The following RALGPS1 variants were observed in gnomAD, a reference collection of about 807,000 sequenced individuals.
The protein encoded by RALGPS1 is ras-specific guanine nucleotide-releasing factor RalGPS1.
Under a neutral mutation model 78.8 loss-of-function variants are expected in RALGPS1, and 19 were observed. The ratio of observed to expected loss-of-function variants is 0.24; its 90% CI spans 0.17 to 0.35. The LOEUF (loss-of-function observed/expected upper bound fraction) is 0.35, where lower values mean the gene tolerates loss of function less well. RALGPS1 is among the 10% of genes least tolerant of loss of function. The pLI is 1.00. For missense variants in RALGPS1, 454 were observed against 688.3 expected (o/e 0.66, Z 3.81); for synonymous variants, 228 against 256.3 (o/e 0.89, Z 1.06).
intron 4 of RALGPS1, among the ~76,000 whole-genome samples, chr9:126,988,896 G>A (rs555313236): frequency 6.6e-6 from 1 of 152,266 alleles, no homozygotes; most frequent in Admixed American, 6.5e-5. Flanking sequence ...AGGAGGCCTA[G>A]TTAAGTCAAG....
intron 8 of RALGPS1, among the ~76,000 whole-genome samples, chr9:127,096,798 C>G (rs2053186940): frequency 6.6e-6 from 1 of 152,322 alleles, no homozygotes; most frequent in Admixed American, 6.5e-5. Flanking sequence ...ACTCCTTGCT[C>G]TAAGAGTAGT....
rs751485473 is a variant in RALGPS1 at position 127,195,197 on chromosome 9, G to A, written c.1017G>A (p.Lys339=). The stretch of plus-strand genomic sequence containing the variant: ...CACCTCCAGTCCCCAGACACAGGAA[G>A]AGCCACAGCCTAGGCAACAAGTGGG... ...LPTPPVPRHR[K]SHSLGNNMMC... The change falls in exon 12 of 19, where the codon AAG becomes AAA. Residue 339 remains lysine (K), a synonymous_variant. Transcript: ENST00000259351. 8 of 1,611,460 alleles carry A rather than the reference G, an allele frequency of 5.0e-6. No individual in the cohort carries two copies. Among genetic ancestry groups the A allele is most frequent in the Non-Finnish European group, 6.8e-6 (8 of 1,179,974 alleles).
chr9:127,214,872 T>TGAAA (rs2062484780), intron 18 of RALGPS1, 30 bp downstream of exon 18: 1 of 1,612,842 alleles, frequency 6.2e-7, no homozygotes, highest in African/African-American at 1.3e-5. Flanking sequence ...GCTTGTCACC[T>TGAAA]GAAATATCCT....
At chr9:126,941,038 C>G (rs1031595240) in intron 1 of RALGPS1, among the ~76,000 whole-genome samples, 6 of 152,028 alleles carry the variant, frequency 3.9e-5, no homozygotes, top group Non-Finnish European at 2.9e-5. Flanking sequence ...TAGTGAATAT[C>G]CTTCTATACT....
chr9:127,132,076 A>C (rs1233173740), intron 8 of RALGPS1, among the ~76,000 whole-genome samples: 1 of 152,194 alleles, frequency 6.6e-6, no homozygotes, highest in East Asian at 1.9e-4. Flanking sequence ...CATAACCTGC[A>C]TCTGAGAGCT....
intron 8 of RALGPS1, among the ~76,000 whole-genome samples, chr9:127,073,486 G>A (rs1333125797): frequency 1.3e-5 from 2 of 151,780 alleles, no homozygotes; most frequent in African/African-American, 2.4e-5. Context: ...GTGTGTGTGT[G>A]TATAATATTT....
chr9:127,167,130 G>A (rs759317694), intron 9 of RALGPS1, among the ~76,000 whole-genome samples: 20 of 152,186 alleles, frequency 1.3e-4, no homozygotes, highest in Non-Finnish European at 2.1e-4. Context: ...AGGGTGGTAG[G>A]AAGGAGCCTA....
At chr9:126,960,198 T>TCCCC (rs2038756712) in intron 1 of RALGPS1, among the ~76,000 whole-genome samples, 1 of 37,130 alleles carries the variant, frequency 2.7e-5, no homozygotes, top group African/African-American at 1.7e-4. Flanking sequence ...CTCCCTTCCT[T>TCCCC]CCCTCCCTCC....
At chr9:126,949,382 C>T (rs889659097) in intron 1 of RALGPS1, among the ~76,000 whole-genome samples, 91 of 152,166 alleles carry the variant, frequency 6.0e-4, no homozygotes, top group African/African-American at 2.0e-3. Context: ...CCTGAGGAAT[C>T]GCCACACTGA....
chr9:127,141,464 C>T (rs879803510), intron 8 of RALGPS1, among the ~76,000 whole-genome samples: 11 of 152,104 alleles, frequency 7.2e-5, no homozygotes, highest in Non-Finnish European at 1.3e-4. Flanking sequence ...CCAGCTCAGG[C>T]ACAGTCCATG....
chr9:127,148,951 A>G (rs972007659), intron 8 of RALGPS1, among the ~76,000 whole-genome samples: 7 of 152,144 alleles, frequency 4.6e-5, no homozygotes, highest in African/African-American at 1.7e-4. Flanking sequence ...CTTTCTACTA[A>G]TGTTATCACC....
At chr9:127,216,945 C>T (rs1187738968) in intron 18 of RALGPS1, 1 of 1,547,888 alleles carries the variant, frequency 6.5e-7, no homozygotes, top group African/African-American at 1.4e-5. Flanking sequence ...AACTGACAGC[C>T]ACGAGGTGGA....
intron 8 of RALGPS1, among the ~76,000 whole-genome samples, chr9:127,161,662 CT>C (rs1429056345): frequency 3.3e-5 from 5 of 152,144 alleles, no homozygotes; most frequent in African/African-American, 1.2e-4. Context: ...GTCATGAGCC[CT>C]TTTGGAGAGT....
intron 1 of RALGPS1, among the ~76,000 whole-genome samples, chr9:126,939,816 G>A (rs16929468): frequency 0.32 from 49,273 of 152,178 alleles, 9,866 homozygotes; most frequent in Non-Finnish European, 0.42. Context: ...AGTGACAAGC[G>A]TTGCGGAGGG....
intron 1 of RALGPS1, among the ~76,000 whole-genome samples, chr9:126,958,171 A>G (rs1365779884): frequency 1.4e-5 from 2 of 142,206 alleles, no homozygotes; most frequent in Non-Finnish European, 3.1e-5. Context: ...ACACACACAC[A>G]CACATATATG....
intron 8 of RALGPS1, among the ~76,000 whole-genome samples, chr9:127,100,452 A>G (rs916857987): frequency 4.6e-5 from 7 of 152,180 alleles, no homozygotes; most frequent in African/African-American, 1.7e-4. Context: ...TTAGGTTTCC[A>G]CCAGCGCTGT....
intron 14 of RALGPS1, among the ~76,000 whole-genome samples, chr9:127,208,252 G>A (rs765117127): frequency 2.6e-5 from 4 of 152,206 alleles, no homozygotes; most frequent in African/African-American, 9.6e-5. Context: ...GTGGTCATTC[G>A]GTCTCAGACA....
In RALGPS1 at chr9:127,218,274, ACT is replaced by A. The variant is rs1215743384; in HGVS notation, c.1645-463_1645-462del. On this transcript the variant is annotated intron_variant, in intron 18 of 18. Coordinates refer to ENST00000259351, the MANE Select transcript of RALGPS1 (RefSeq NM_014636.3). This position sits in a 1 kb window ranked among gnomAD's most constrained non-coding sequence, Gnocchi z 4.4. The stretch of plus-strand genomic sequence containing the variant: ...TGGGGTTTCTGATATCCCTGAACTG[ACT>A]CTTTCTCCCATGCTTCCCTTTGCCA... 2.0e-5 allele frequency among the ~76,000 whole-genome samples: 3 copies of A among 151,418 alleles called. No individual in the cohort carries two copies. Among genetic ancestry groups the A allele is most frequent in the Non-Finnish European group, 4.4e-5 (3 of 67,866 alleles).
chr9:127,212,726 C>A lies in RALGPS1; in HGVS notation c.1446+7C>A. The stretch of plus-strand genomic sequence containing the variant: ...GGGCACAGACAGAAAACACGTAAGT[C>A]CCTTGAAAGGACTCTAGTGCTGGGA... On this transcript the variant is annotated splice_region_variant and intron_variant, in intron 16 of 18. Transcript: ENST00000259351. This position sits in a 1 kb window ranked among gnomAD's most constrained non-coding sequence, Gnocchi z 6.0. 1 of 1,602,476 alleles carries A rather than the reference C, an allele frequency of 6.2e-7. No individual in the cohort carries two copies.
Sources: allele counts gnomAD v4.1 joint callset (sites outside exome capture counted in the v4.1 genomes callset), GRCh38; gene constraint gnomAD v4.1.1; non-coding constraint Gnocchi (gnomAD v3.1); transcripts MANE v1.5; gene names NCBI Gene and HGNC (gene_info 2026-07-23, HGNC 2026-07-21).